The following HDAC2 variants were observed in gnomAD, a reference collection of about 807,000 sequenced individuals.
HDAC2 encodes YY1-associated factor 1.
Under a neutral mutation model 68.5 loss-of-function variants are expected in HDAC2, and 5 were observed. The observed-to-expected ratio is 0.07, with a 90% CI of 0.04 to 0.15. HDAC2 has a LOEUF of 0.15. Ranked by LOEUF, HDAC2 falls within the 10% of genes least tolerant of loss-of-function variation. The pLI, the probability that HDAC2 is intolerant of heterozygous loss-of-function variation, is 1.00. For missense variants in HDAC2, 291 were observed against 600.8 expected, an observed-to-expected ratio of 0.48 and a Z score of 5.39; for synonymous variants, 182 against 191.3, an observed-to-expected ratio of 0.95 and a Z score of 0.40.
rs2114578783 is a variant in HDAC2, at chr6:113,936,810, G to A, written c.*4248C>T. The A allele has an allele frequency of 6.6e-6, 1 of 152,094 alleles. No individual in the cohort carries two copies. The highest frequency in any genetic ancestry group is 6.5e-5 in the Admixed American group (1 of 15,274). 9.4% of individuals were successfully genotyped at this position (152,094 alleles called of 1,614,324 possible). ...AGTTCAAGACCAGCCTGGACAATAT[G>A]GTGAGAACCCGTCTCTACTAAATAT... On this transcript the variant is annotated 3_prime_UTR_variant, in exon 14 of 14. Transcript: ENST00000519065.
chr6:113,959,634 CACTGAGTTGTTGCTAT>C (rs1776634354), intron 2 of HDAC2: 2 of 181,628 alleles, frequency 1.1e-5, no homozygotes, highest in South Asian at 4.0e-4. Context: ...TAATATGCTA[CACTGAGTTGTTGCTAT>C]ACTGAGTTGT....
intron 8 of HDAC2, 153 bp from the exon 9 acceptor site, chr6:113,946,301 C>A: frequency 1.7e-6 from 1 of 579,006 alleles, no homozygotes; most frequent in Non-Finnish European, 3.0e-6. Flanking sequence ...AATGTCAAGT[C>A]TAAAACTCCT....
chr6:113,956,297 G>C, intron 4 of HDAC2, 146 bp from the exon 5 acceptor site: 1 of 667,468 alleles, frequency 1.5e-6, no homozygotes, highest in South Asian at 2.3e-5. Flanking sequence ...ACACAAATAG[G>C]AGTTACTCCT....
chr6:113,970,617 G>T (rs976724564), intron 1 of HDAC2: 6 of 1,332,190 alleles, frequency 4.5e-6, no homozygotes, highest in East Asian at 3.1e-5. Context: ...ACGGCCGAAG[G>T]GGGAGAGGCA....
At chr6:113,964,773 G>T (rs1028387672) in intron 1 of HDAC2, among the ~76,000 whole-genome samples, 2 of 152,084 alleles carry the variant, frequency 1.3e-5, no homozygotes, top group Non-Finnish European at 2.9e-5. Flanking sequence ...ATTCAATAAG[G>T]ATCTCAAATA....
At chr6:113,951,390 AT>A (rs1383713581) in intron 6 of HDAC2, among the ~76,000 whole-genome samples, 1 of 152,082 alleles carries the variant, frequency 6.6e-6, no homozygotes, top group African/African-American at 2.4e-5. Flanking sequence ...GTAATGACTG[AT>A]TTTAATTCTC....
chr6:113,941,889 C>T (rs1026505196), intron 12 of HDAC2, 124 bp from the exon 13 acceptor site: 4 of 296,330 alleles, frequency 1.3e-5, no homozygotes, highest in South Asian at 1.2e-4. Context: ...TTAATGAATT[C>T]GGTCTAAATA....
intron 5 of HDAC2, chr6:113,955,780 G>A: frequency 2.6e-6 from 1 of 383,082 alleles, no homozygotes; most frequent in Non-Finnish European, 4.6e-6. Flanking sequence ...CAAAGTGGAG[G>A]GATTACAGGC....
chr6:113,945,717 C>T lies in HDAC2; in HGVS notation c.983-247G>A, dbSNP rs78713098. Among the ~76,000 whole-genome samples, 524 of 152,274 alleles carry T rather than the reference C, an allele frequency of 3.4e-3. 1 individual carries two copies. The highest frequency in any genetic ancestry group is 6.8e-3 in the Middle Eastern group (2 of 294). On this transcript the variant is annotated intron_variant, in intron 9 of 13. Transcript: ENST00000519065. ...CAGTTTTCTGGCTTTTTTGTACCAA[C>T]TTCAATGTCTTGTATTCAGTACATT...
chr6:113,951,372 CATATA>C (rs1350656253), intron 6 of HDAC2, among the ~76,000 whole-genome samples: 1 of 151,972 alleles, frequency 6.6e-6, no homozygotes, highest in East Asian at 1.9e-4. Flanking sequence ...AACAGCTGTA[CATATA>C]ATGTAATGAC....
intron 1 of HDAC2, among the ~76,000 whole-genome samples, chr6:113,966,954 T>C (rs564138875): frequency 6.6e-6 from 1 of 152,356 alleles, no homozygotes; most frequent in South Asian, 2.1e-4. Context: ...AAAGAAATTA[T>C]TACCTATTTC....
At position 113,956,699 on chromosome 6, in the gene HDAC2, G is replaced by A; in HGVS notation, c.284-6C>T. 2 of 1,600,048 alleles carry A rather than the reference G, an allele frequency of 1.2e-6. No homozygotes were observed. The highest frequency in any genetic ancestry group is 1.7e-6 in the Non-Finnish European group (2 of 1,167,746). ...ACAATCTTCTCCAACATTAACTGTG[G>A]AAGATGGATTTCATTAATTTCAACA... is the stretch of plus-strand genomic sequence containing the variant. On this transcript the variant is annotated splice_region_variant and splice_polypyrimidine_tract_variant and intron_variant, in intron 3 of 13. Transcript: ENST00000519065.
chr6:113,965,721 G>A (rs1361087936), intron 1 of HDAC2, among the ~76,000 whole-genome samples: 2 of 152,118 alleles, frequency 1.3e-5, no homozygotes, highest in Non-Finnish European at 2.9e-5. Flanking sequence ...TAGGACTTGA[G>A]CAATCTTTTG....
At chr6:113,957,999 G>A (rs1384909854) in intron 3 of HDAC2, among the ~76,000 whole-genome samples, 1 of 152,090 alleles carries the variant, frequency 6.6e-6, no homozygotes, top group African/African-American at 2.4e-5. Flanking sequence ...TTGTAAATAT[G>A]AGATGTCTAG....
At chr6:113,942,399 T>C (rs1776156572) in intron 12 of HDAC2, among the ~76,000 whole-genome samples, 1 of 149,256 alleles carries the variant, frequency 6.7e-6, no homozygotes, top group Non-Finnish European at 1.5e-5. Flanking sequence ...GAACTAAATG[T>C]GTCAGATGTT....
Position 113,959,993 on chromosome 6 carries a change from T to C in HDAC2, c.78A>G (p.Gly26=). Reference sequence around the variant, plus strand: ...TATGAGGCTTCATGGGATGACCCTGTCCATAATAATAATTTCCAATATCAC... The same window carrying C: ...TATGAGGCTTCATGGGATGACCCTGCCCATAATAATAATTTCCAATATCAC... The part of the protein sequence containing the change: ...YDGDIGNYYY[G]QGHPMKPHRI... The change falls in exon 2 of 14, where the codon GGA becomes GGG. Residue 26 remains glycine, a synonymous_variant. Coordinates refer to ENST00000519065, the MANE Select transcript of HDAC2 (RefSeq NM_001527.4). 1 of 1,570,506 alleles carries C rather than the reference T, an allele frequency of 6.4e-7. No individual in the cohort carries two copies. The highest frequency in any genetic ancestry group is 8.8e-7 in the Non-Finnish European group (1 of 1,140,778).
chr6:113,954,659 T>C (rs1776504725), intron 5 of HDAC2, among the ~76,000 whole-genome samples: 1 of 152,244 alleles, frequency 6.6e-6, no homozygotes, highest in Admixed American at 6.5e-5. Context: ...CCTTTGCTCC[T>C]GATGAGCAGG....
At chr6:113,943,533 GA>G in intron 11 of HDAC2, 27 bp from the exon 12 acceptor site, 1 of 1,557,338 alleles carries the variant, frequency 6.4e-7, no homozygotes, top group Non-Finnish European at 8.6e-7. Flanking sequence ...AATAAATTTT[GA>G]CAAAAACAGT....
chr6:113,956,809 A>C (rs1223690129), intron 3 of HDAC2, 116 bp from the exon 4 acceptor site: 4 of 693,626 alleles, frequency 5.8e-6, no homozygotes. Context: ...TCAAACATAC[A>C]CTTCACAGTA....
Sources: gnomAD v4.1 joint callset for allele counts (sites outside exome capture counted in the v4.1 genomes callset) on GRCh38, gnomAD v4.1.1 for gene constraint, MANE v1.5 for transcripts, NCBI Gene and HGNC (gene_info 2026-07-23, HGNC 2026-07-21) for gene names.